Variants in PRKG1 observed in about 807,000 individuals in gnomAD.
PRKG1 encodes cGMP-dependent protein kinase 1.
A neutral mutation model predicts 88.1 loss-of-function variants in PRKG1; 35 were observed. The ratio of observed to expected loss-of-function variants is 0.40; its 90% CI spans 0.30 to 0.53. The LOEUF is 0.53. Ranked by LOEUF, PRKG1 falls within the 20% of genes least tolerant of loss-of-function variation. The pLI, the probability that PRKG1 is intolerant of heterozygous loss-of-function variation, is 0.59. For synonymous variants in PRKG1, 303 were observed against 292.5 expected, an observed-to-expected ratio of 1.04 and a Z score of -0.37; for missense variants, 540 against 839.8, an observed-to-expected ratio of 0.64 and a Z score of 4.41.
intron 4 of PRKG1, among the ~76,000 whole-genome samples, chr10:51,834,544 G>T (rs549365504): frequency 1.4e-4 from 22 of 152,100 alleles, no homozygotes; most frequent in African/African-American, 5.3e-4. Context: ...GGAAGGCTGA[G>T]GTGGGAGGAT....
At chr10:51,914,320 A>T (rs1195249769) in intron 5 of PRKG1, among the ~76,000 whole-genome samples, 2 of 152,164 alleles carry the variant, frequency 1.3e-5, no homozygotes, top group Non-Finnish European at 2.9e-5. Flanking sequence ...AGTAGCAAAG[A>T]TTAACCTAAT....
intron 4 of PRKG1, among the ~76,000 whole-genome samples, chr10:51,903,782 T>G (rs929675093): frequency 2.6e-5 from 4 of 152,116 alleles, no homozygotes; most frequent in African/African-American, 9.7e-5. Context: ...CATTGAAAAG[T>G]ATGTAGCTCA....
At chr10:52,110,787 A>G (rs2132588776) in intron 7 of PRKG1, among the ~76,000 whole-genome samples, 1 of 150,812 alleles carries the variant, frequency 6.6e-6, no homozygotes, top group Admixed American at 6.6e-5. Context: ...TTCGTCTGTC[A>G]TAGTCATAGC....
intron 2 of PRKG1, among the ~76,000 whole-genome samples, chr10:51,464,977 T>C (rs1839859278): frequency 1.3e-5 from 2 of 151,944 alleles, no homozygotes; most frequent in African/African-American, 4.8e-5. Context: ...CTTTGGAGAC[T>C]TACACAATTC....
Position 51,281,370 on chromosome 10 carries a change from C to G in PRKG1, c.478+128040C>G, listed in dbSNP as rs199683831. Among the ~76,000 whole-genome samples the G allele has an allele frequency of 2.6e-5, 4 of 152,172 alleles. No individual in the cohort carries two copies. The East Asian group carries it at 5.8e-4, about 22-fold the overall frequency. Reference sequence around the variant, plus strand: ...GATATCAAACTCCATACTGGGAGAACCACTACTCTCTCAAGGGTCTTAGCA... The same window carrying G: ...GATATCAAACTCCATACTGGGAGAAGCACTACTCTCTCAAGGGTCTTAGCA... On this transcript the variant is annotated intron_variant, in intron 2 of 17. Coordinates refer to ENST00000373980, the MANE Select transcript of PRKG1 (RefSeq NM_006258.4).
At chr10:51,889,263 A>G (rs977517282) in intron 4 of PRKG1, among the ~76,000 whole-genome samples, 12 of 131,474 alleles carry the variant, frequency 9.1e-5, no homozygotes, top group Admixed American at 2.7e-4. Context: ...CCTGTGTCCA[A>G]ATGTTCTCAT....
intron 2 of PRKG1, among the ~76,000 whole-genome samples, chr10:51,280,742 T>A (rs1450641017): frequency 6.6e-6 from 1 of 152,244 alleles, no homozygotes; most frequent in Non-Finnish European, 1.5e-5. Flanking sequence ...TTCTCTACAC[T>A]GGTTATTCTA....
chr10:52,184,047 G>T (rs190327292), intron 9 of PRKG1, among the ~76,000 whole-genome samples: 18 of 152,220 alleles, frequency 1.2e-4, no homozygotes, highest in Non-Finnish European at 2.9e-5. Context: ...GTCACCATGG[G>T]TGCCTCACTA....
chr10:51,140,902 C>T (rs984098710), intron 1 of PRKG1, among the ~76,000 whole-genome samples: 12 of 152,290 alleles, frequency 7.9e-5, no homozygotes, highest in South Asian at 2.1e-4. Context: ...AGAACTGCTG[C>T]GCCAGAAACA....
intron 5 of PRKG1, among the ~76,000 whole-genome samples, chr10:52,026,995 C>A (rs112060292): frequency 3.6e-3 from 548 of 151,900 alleles, no homozygotes; most frequent in African/African-American, 0.013. Context: ...TAAAAAGAGG[C>A]GAATTTCGTG....
chr10:52,050,747 A>C (rs1845969972), intron 5 of PRKG1, among the ~76,000 whole-genome samples: 1 of 152,212 alleles, frequency 6.6e-6, no homozygotes, highest in African/African-American at 2.4e-5. Flanking sequence ...AAGTTGAGTT[A>C]TGAAACACCA....
At chr10:51,801,601 C>T (rs1839175240) in intron 3 of PRKG1, among the ~76,000 whole-genome samples, 1 of 152,150 alleles carries the variant, frequency 6.6e-6, no homozygotes, top group Non-Finnish European at 1.5e-5. Context: ...ATTATACTTA[C>T]ATATGCTTCC....
intron 2 of PRKG1, among the ~76,000 whole-genome samples, chr10:51,276,470 G>A (rs1433867239): frequency 6.6e-6 from 1 of 152,106 alleles, no homozygotes; most frequent in Non-Finnish European, 1.5e-5. Context: ...AATCCTTTGG[G>A]TATATACCCA....
At chr10:51,514,633 G>T (rs1337098901) in intron 3 of PRKG1, among the ~76,000 whole-genome samples, 1 of 152,166 alleles carries the variant, frequency 6.6e-6, no homozygotes, top group African/African-American at 2.4e-5. Context: ...TGGCAAGGTG[G>T]CAAGTGCTGA....
At chr10:51,443,823 A>T (rs1342564378) in intron 2 of PRKG1, among the ~76,000 whole-genome samples, 1 of 152,032 alleles carries the variant, frequency 6.6e-6, no homozygotes. Flanking sequence ...ATCAGTACTT[A>T]CAAATCTGTA....
At chr10:51,688,144 C>G (rs1273782407) in intron 3 of PRKG1, among the ~76,000 whole-genome samples, 4 of 151,980 alleles carry the variant, frequency 2.6e-5, no homozygotes, top group Admixed American at 2.6e-4. Context: ...TTTTCACTTT[C>G]TTGTAGGATT....
At chr10:51,700,383 T>G (rs529626088) in intron 3 of PRKG1, among the ~76,000 whole-genome samples, 62 of 152,348 alleles carry the variant, frequency 4.1e-4, no homozygotes, top group African/African-American at 1.5e-3. Flanking sequence ...AGTGATTAAT[T>G]AGTTATTAGT....
At chr10:51,159,840 G>A (rs1490428065) in intron 2 of PRKG1, among the ~76,000 whole-genome samples, 1 of 152,152 alleles carries the variant, frequency 6.6e-6, no homozygotes, top group Non-Finnish European at 1.5e-5. Flanking sequence ...GAAGCATTCT[G>A]CATAAATCTA....
rs117762602 is a variant in PRKG1 at position 51,705,136 on chromosome 10, T to C, written c.593-99449T>C. Among the ~76,000 whole-genome samples the C allele has an allele frequency of 1.1e-3, 164 of 152,304 alleles. 2 individuals are homozygous for C. The East Asian group carries it at 0.028, about 26-fold the overall frequency. On this transcript the variant is annotated intron_variant, in intron 3 of 17. Transcript: ENST00000373980. ...TTCACCTCCTAGCTTTTTGTGATAC[T>C]ATTTGTCAGGGATGCTTCCTTTTTT...
Sources: gnomAD v4.1 joint callset for allele counts (sites outside exome capture counted in the v4.1 genomes callset) on GRCh38, gnomAD v4.1.1 for gene constraint, MANE v1.5 for transcripts, NCBI Gene and HGNC (gene_info 2026-07-23, HGNC 2026-07-21) for gene names.